The following RELN variants were observed in gnomAD, a reference collection of about 807,000 sequenced individuals.
The protein encoded by RELN is reelin.
In RELN, 108 loss-of-function variants were observed where a neutral mutation model predicts 427.6. That is an observed-to-expected ratio of 0.25 (90% CI 0.22 to 0.30). RELN has a LOEUF of 0.30. RELN is among the 10% of genes least tolerant of loss of function. RELN has a pLI of 1.00. For synonymous variants in RELN, 1,524 were observed against 1,513.4 expected (o/e 1.01, Z -0.16); for missense variants, 3,715 against 4,302.8 (o/e 0.86, Z 3.82).
chr7:103,817,134 G>A (rs143028601), intron 3 of RELN, among the ~76,000 whole-genome samples: 2 of 152,226 alleles, frequency 1.3e-5, no homozygotes, highest in East Asian at 3.9e-4. Context: ...TTACAAGCAC[G>A]ACCCACCACG....
chr7:103,837,569 C>G (rs1477919963), intron 2 of RELN, among the ~76,000 whole-genome samples: 1 of 152,216 alleles, frequency 6.6e-6, no homozygotes, highest in East Asian at 1.9e-4. Flanking sequence ...AATGTAGTCT[C>G]TGTCTAACAC....
chr7:103,800,130 T>C (rs1792409802), intron 3 of RELN, among the ~76,000 whole-genome samples: 1 of 152,296 alleles, frequency 6.6e-6, no homozygotes, highest in Admixed American at 6.5e-5. Flanking sequence ...TTGGAAGCTC[T>C]GGCCAGGGCA....
At chr7:103,870,343 C>T (rs1322006621) in intron 2 of RELN, among the ~76,000 whole-genome samples, 3 of 151,378 alleles carry the variant, frequency 2.0e-5, no homozygotes, top group East Asian at 1.9e-4. Flanking sequence ...AATCTGGTTT[C>T]GGTTTTTTTT....
At chr7:103,671,024 G>T (rs1008294921) in intron 11 of RELN, among the ~76,000 whole-genome samples, 6 of 152,022 alleles carry the variant, frequency 3.9e-5, no homozygotes, top group Non-Finnish European at 8.8e-5. Flanking sequence ...AATTCTCTGA[G>T]GTTGAAAAAG....
chr7:103,724,599 T>C (rs945149103), intron 7 of RELN, among the ~76,000 whole-genome samples: 4 of 152,182 alleles, frequency 2.6e-5, no homozygotes, highest in African/African-American at 9.7e-5. Flanking sequence ...CTGTGACCTC[T>C]GCTAGCGAAC....
chr7:103,765,156 T>A (rs118091957), intron 4 of RELN, among the ~76,000 whole-genome samples: 2,084 of 152,286 alleles, frequency 0.014, 24 homozygotes, highest in Non-Finnish European at 0.021. Flanking sequence ...CTTGTTAAAG[T>A]AGCAGTGGCT....
intron 20 of RELN, among the ~76,000 whole-genome samples, chr7:103,624,301 A>G (rs982772496): frequency 6.6e-6 from 1 of 152,040 alleles, no homozygotes; most frequent in Non-Finnish European, 1.5e-5. Context: ...TTCATTTTAC[A>G]CCTCTAGCTT....
chr7:103,519,277 T>C, intron 49 of RELN, 46 bp downstream of exon 49: 1 of 1,448,784 alleles, frequency 6.9e-7, no homozygotes, highest in South Asian at 1.1e-5. Flanking sequence ...CTGGTAGCAA[T>C]CTCTGCTCGA....
chr7:103,589,810 T>C lies in RELN; in HGVS notation c.3931A>G (p.Asn1311Asp). 2 of 1,605,908 alleles carry C rather than the reference T, an allele frequency of 1.2e-6. No individual in the cohort carries two copies. Among genetic ancestry groups the C allele is most frequent in the South Asian group, 1.1e-5 (1 of 90,952 alleles). Residue 1311 changes from asparagine (N) to aspartate (D), a missense_variant, in exon 28 of 65, where the codon AAT becomes GAT. Physicochemically the swap from Asn to Asp is conservative, Grantham distance 23. Coordinates refer to ENST00000428762, the MANE Select transcript of RELN (RefSeq NM_005045.4). ...ACTGGAGCAGTACTGCTGAATTGAT[T>C]GGCACAACCTATGTTTAGCTGTTAA... ...LQFKLNIGCANQFSSTAPVLL... is the reference protein window; with the variant it reads ...LQFKLNIGCADQFSSTAPVLL...
chr7:103,856,712 T>C (rs80112342), intron 2 of RELN, among the ~76,000 whole-genome samples: 1,723 of 152,266 alleles, frequency 0.011, 39 homozygotes, highest in East Asian at 0.07. Flanking sequence ...TCTGTGCCTT[T>C]AAAGAGAGAC....
chr7:103,708,429 C>T (rs1241052249), intron 8 of RELN, among the ~76,000 whole-genome samples: 2 of 149,902 alleles, frequency 1.3e-5, no homozygotes, highest in Non-Finnish European at 3.0e-5. Flanking sequence ...TACATAAGGG[C>T]TGTTGTGGTC....
rs1382240790 is a variant in RELN at position 103,483,841 on chromosome 7, C to T, written c.9993G>A (p.Met3331Ile). The change falls in exon 62 of 65, where the codon ATG becomes ATA. Residue 3331 changes from methionine (M) to isoleucine (I), a missense_variant. By Grantham distance (10) the Met-to-Ile change is conservative. Transcript: ENST00000428762. The part of the protein sequence containing the change: ...PLDLTRASKI[M>I]FVLQIGSMSQ... ...ACATGCTCCCAATTTGCAAAACAAA[C>T]ATGATTTTGCTGAAAAACACAGGGA... The T allele has an allele frequency of 6.2e-7, 1 of 1,613,864 alleles. No individual in the cohort carries two copies. The highest frequency in any genetic ancestry group is 8.5e-7 in the Non-Finnish European group (1 of 1,179,832).
At chr7:103,631,022 C>A (rs1298271876) in intron 19 of RELN, among the ~76,000 whole-genome samples, 3 of 151,846 alleles carry the variant, frequency 2.0e-5, no homozygotes, top group Non-Finnish European at 4.4e-5. Flanking sequence ...TGTGAAGAAA[C>A]ACGCTAAACC....
At chr7:103,670,383 CTT>C (rs767275019) in intron 11 of RELN, among the ~76,000 whole-genome samples, 18 of 152,046 alleles carry the variant, frequency 1.2e-4, no homozygotes, top group South Asian at 4.1e-4. Context: ...CTACAATATT[CTT>C]TGTCTGTCAA....
At chr7:103,630,283 C>G in intron 19 of RELN, 107 bp from the exon 20 acceptor site, 3 of 784,136 alleles carry the variant, frequency 3.8e-6, no homozygotes, top group Non-Finnish European at 6.3e-6. Flanking sequence ...AGAAATAGTT[C>G]TCCCATGATT....
intron 11 of RELN, among the ~76,000 whole-genome samples, chr7:103,673,417 T>C (rs1242948283): frequency 1.3e-5 from 2 of 152,194 alleles, no homozygotes; most frequent in Admixed American, 1.3e-4. Flanking sequence ...CTGTTCCCTT[T>C]CCTGTCAGCC....
At chr7:103,530,375 C>G (rs2117108185) in intron 46 of RELN, among the ~76,000 whole-genome samples, 1 of 152,344 alleles carries the variant, frequency 6.6e-6, no homozygotes, top group Non-Finnish European at 1.5e-5. Flanking sequence ...TTGAAATGCT[C>G]TGTCATATCT....
Position 103,989,338 on chromosome 7 carries a change from C to G in RELN, c.19G>C (p.Ala7Pro). Reference sequence around the variant, plus strand: ...AGCGCTAGGAGGAAAGTCTGCCGGGCCCAGCCACTGCGCTCCATGCCGCCG... The same window carrying G: ...AGCGCTAGGAGGAAAGTCTGCCGGGGCCAGCCACTGCGCTCCATGCCGCCG... MERSGW[A>P]RQTFLLALLL... is the part of the protein sequence containing the mutation. Residue 7 changes from alanine (A) to proline (P), a missense_variant, in exon 1 of 65, where the codon GCC (alanine) becomes CCC (proline). Coordinates refer to ENST00000428762, the MANE Select transcript of RELN (RefSeq NM_005045.4). The surrounding 1 kb of genome is among the most constrained non-coding windows in gnomAD (Gnocchi z 4.9). 6.4e-7 allele frequency: 1 copy of G among 1,562,290 alleles called. No homozygotes were observed. Among genetic ancestry groups the G allele is most frequent in the Non-Finnish European group, 8.7e-7 (1 of 1,153,078 alleles).
chr7:103,925,019 C>T (rs1206838317), intron 1 of RELN, among the ~76,000 whole-genome samples: 1 of 97,408 alleles, frequency 1.0e-5, no homozygotes, highest in African/African-American at 3.8e-5. Flanking sequence ...CACACACACA[C>T]ACACACACAC....
Sources: gnomAD v4.1 joint callset for allele counts (sites outside exome capture counted in the v4.1 genomes callset) on GRCh38, gnomAD v4.1.1 for gene constraint, Gnocchi (gnomAD v3.1) non-coding constraint, MANE v1.5 for transcripts, NCBI Gene and HGNC (gene_info 2026-07-23, HGNC 2026-07-21) for gene names.